The following LTBP1 variants were observed in gnomAD, a reference collection of about 807,000 sequenced individuals.
The protein encoded by LTBP1 is latent-transforming growth factor beta-binding protein 1.
Under a neutral mutation model 207.6 loss-of-function variants are expected in LTBP1, and 129 were observed. That is an observed-to-expected ratio of 0.62 (90% CI 0.54 to 0.72). The LOEUF (loss-of-function observed/expected upper bound fraction) is 0.72. Among genes scored for constraint, LTBP1 ranks in the 30% least tolerant of loss-of-function variants. The pLI is 0.00. For synonymous variants in LTBP1, 963 were observed against 833.7 expected (o/e 1.16, Z -2.67); for missense variants, 2,281 against 2,217.2 (o/e 1.03, Z -0.58).
chr2:33,170,341 C>A (rs1344349462), intron 5 of LTBP1, among the ~76,000 whole-genome samples: 1 of 151,186 alleles, frequency 6.6e-6, no homozygotes, highest in Non-Finnish European at 1.5e-5. Context: ...AACGGCGCAC[C>A]ACGAGATTAT....
intron 18 of LTBP1, among the ~76,000 whole-genome samples, chr2:33,278,821 T>TA (rs1014818201): frequency 6.6e-6 from 1 of 152,126 alleles, no homozygotes; most frequent in East Asian, 1.9e-4. Context: ...ACATCTGACC[T>TA]AAAAAAACCA....
At chr2:33,201,583 C>G (rs998411936) in intron 7 of LTBP1, among the ~76,000 whole-genome samples, 3 of 151,042 alleles carry the variant, frequency 2.0e-5, no homozygotes, top group Non-Finnish European at 2.9e-5. Context: ...ACATATGTAA[C>G]TAACCTGCAC....
intron 2 of LTBP1, among the ~76,000 whole-genome samples, chr2:32,977,479 C>T (rs1445194238): frequency 6.6e-6 from 1 of 152,180 alleles, no homozygotes; most frequent in Non-Finnish European, 1.5e-5. Flanking sequence ...TTATTGCTTC[C>T]AGGCACCCTG....
chr2:33,150,791 G>A (rs1205307496), intron 5 of LTBP1, among the ~76,000 whole-genome samples: 1 of 137,198 alleles, frequency 7.3e-6, no homozygotes, highest in Admixed American at 7.9e-5. Flanking sequence ...ACCTCCACCT[G>A]GGAGGCGGAG....
chr2:33,305,052 G>A (rs2094063477), intron 22 of LTBP1, among the ~76,000 whole-genome samples: 1 of 152,068 alleles, frequency 6.6e-6, no homozygotes, highest in Admixed American at 6.6e-5. Context: ...AGTGGCTCAC[G>A]CCTATAATCC....
At chr2:33,343,410 C>CAA (rs60879811) in intron 25 of LTBP1, among the ~76,000 whole-genome samples, 14,524 of 97,050 alleles carry the variant, frequency 0.15, 1,238 homozygotes, top group African/African-American at 0.24. Context: ...GACCCTGTCT[C>CAA]AAAAAAAAAA....
intron 4 of LTBP1, among the ~76,000 whole-genome samples, chr2:33,115,694 G>C (rs2080706261): frequency 1.3e-5 from 2 of 152,114 alleles, no homozygotes; most frequent in Admixed American, 6.5e-5. Flanking sequence ...AATTCAGCAT[G>C]TAAACCAAAT....
chr2:33,025,930 A>G (rs556188355), intron 3 of LTBP1, among the ~76,000 whole-genome samples: 1 of 152,320 alleles, frequency 6.6e-6, no homozygotes, highest in Non-Finnish European at 1.5e-5. Context: ...TGAGTCTTCA[A>G]AAACCTAATG....
At position 33,380,897 on chromosome 2, in the gene LTBP1, GA is replaced by G. The variant is rs943587338; in HGVS notation, c.4712-8280del. Among the ~76,000 whole-genome samples, 33 of 152,038 alleles carry G rather than the reference GA, an allele frequency of 2.2e-4. 1 individual carries two copies. The highest frequency in any genetic ancestry group is 8.0e-4 in the African/African-American group (33 of 41,474). ...AAACAATTCTTACTTGGTTAATGAA[GA>G]AAAAAAGTTCTTTGTATGTATAACT... On this transcript the variant is annotated intron_variant, in intron 31 of 33. Transcript: ENST00000404816.
intron 2 of LTBP1, among the ~76,000 whole-genome samples, chr2:32,975,626 G>C (rs1393410002): frequency 1.6e-5 from 1 of 62,282 alleles, no homozygotes. Context: ...TTTTTTGTCT[G>C]ACTGGGTTAA....
chr2:33,223,059 G>T (rs1252229465), intron 9 of LTBP1, among the ~76,000 whole-genome samples: 1 of 152,152 alleles, frequency 6.6e-6, no homozygotes, highest in African/African-American at 2.4e-5. Flanking sequence ...CTGAGGCTCT[G>T]TATCCTTCAC....
chr2:33,166,361 C>A (rs1481206383), intron 5 of LTBP1, among the ~76,000 whole-genome samples: 1 of 151,924 alleles, frequency 6.6e-6, no homozygotes, highest in Non-Finnish European at 1.5e-5. Context: ...CTTTGTATAC[C>A]CAAGTAGTTT....
intron 7 of LTBP1, among the ~76,000 whole-genome samples, chr2:33,215,401 C>T (rs2090600391): frequency 6.6e-6 from 1 of 152,126 alleles, no homozygotes; most frequent in Admixed American, 6.5e-5. Context: ...TTGGAGAGCA[C>T]ACAGCATCCT....
chr2:33,031,568 C>T (rs1041069792), intron 3 of LTBP1, among the ~76,000 whole-genome samples: 4 of 152,028 alleles, frequency 2.6e-5, no homozygotes, highest in Admixed American at 6.5e-5. Flanking sequence ...ATTCTAATGG[C>T]GAGTAAGGAA....
Position 33,021,058 on chromosome 2 carries a change from G to A in LTBP1, c.715G>A (p.Ala239Thr), listed in dbSNP as rs759494335. 4.3e-6 allele frequency: 7 copies of A among 1,613,998 alleles called. No individual in the cohort carries two copies. Among genetic ancestry groups the A allele is most frequent in the Middle Eastern group, 1.6e-4 (1 of 6,084 alleles). ...PVFGGQSPGA[A>T]SSWGPPEQAA... ...CTTTGGAGGGCAGAGTCCTGGGGCT[G>A]CTTCCTCGTGGGGCCCTCCTGAGCA... Residue 239 changes from alanine (A) to threonine (T), a missense_variant, in exon 3 of 34, where the codon GCT (alanine) becomes ACT (threonine). By Grantham distance (58) the Ala-to-Thr change is moderately conservative. Coordinates refer to ENST00000404816, the MANE Select transcript of LTBP1 (RefSeq NM_206943.4).
At chr2:32,976,116 G>A (rs1438444805) in intron 2 of LTBP1, among the ~76,000 whole-genome samples, 3 of 152,198 alleles carry the variant, frequency 2.0e-5, no homozygotes, top group Admixed American at 1.3e-4. Context: ...GGGTTTGATT[G>A]TGGTCTAAAG....
intron 24 of LTBP1, chr2:33,318,059 T>C (rs553628748): frequency 1.3e-5 from 2 of 152,298 alleles, no homozygotes; most frequent in Admixed American, 1.3e-4. Flanking sequence ...GAAATGCTCA[T>C]TGAGCATTGC....
chr2:33,272,185 G>A (rs1275565383), intron 15 of LTBP1, among the ~76,000 whole-genome samples: 2 of 152,208 alleles, frequency 1.3e-5, no homozygotes, highest in African/African-American at 2.4e-5. Context: ...GTTTCGGAGA[G>A]CAACCTCAAC....
At chr2:33,026,738 A>C (rs1315420245) in intron 3 of LTBP1, among the ~76,000 whole-genome samples, 2 of 152,214 alleles carry the variant, frequency 1.3e-5, no homozygotes, top group Non-Finnish European at 2.9e-5. Context: ...AAAAATTTGA[A>C]CCAATCACTG....
Sources: gnomAD v4.1 joint callset for allele counts (sites outside exome capture counted in the v4.1 genomes callset) on GRCh38, gnomAD v4.1.1 for gene constraint, MANE v1.5 for transcripts, NCBI Gene and HGNC (gene_info 2026-07-23, HGNC 2026-07-21) for gene names.